TRH: variants seen among roughly 807,000 people sequenced by gnomAD.
TRH encodes thyrotropin releasing hormone, also known as TSH-releasing factor.
In TRH, 5 loss-of-function variants were observed where a neutral mutation model predicts 5.2. That is an observed-to-expected ratio of 0.95 (90% CI 0.50 to 2.00). The LOEUF (loss-of-function observed/expected upper bound fraction) is 2.00. Ranked by LOEUF, TRH falls within the 30% of genes most tolerant of loss-of-function variation. TRH has a pLI of 0.01. For synonymous variants in TRH, 131 were observed against 128.6 expected, an observed-to-expected ratio of 1.02 and a Z score of -0.13; for missense variants, 318 against 312.8, an observed-to-expected ratio of 1.02 and a Z score of -0.13.
rs762171742 is a variant in TRH at position 129,975,840 on chromosome 3, C to A, written c.24C>A (p.Leu8=). 9 of 1,610,254 alleles carry A rather than the reference C, an allele frequency of 5.6e-6. No homozygotes were observed. Among genetic ancestry groups the A allele is most frequent in the Non-Finnish European group, 7.6e-6 (9 of 1,179,264 alleles). MPGPWLL[L]ALALTLNLTG... is the part of the protein sequence containing the mutation. ...CGATGCCCGGCCCTTGGTTGCTGCT[C>A]GCTCTGGCTTTGACCCTGAACCTGA... Residue 8 remains leucine (L), a synonymous_variant, in exon 2 of 3, where the codon CTC becomes CTA. Transcript: ENST00000302649.
In TRH at chr3:129,977,081, G is replaced by T; in HGVS notation, c.594G>T (p.Gly198=). 1 of 1,594,546 alleles carries T rather than the reference G, an allele frequency of 6.3e-7. No individual in the cohort carries two copies. The highest frequency in any genetic ancestry group is 8.5e-7 in the Non-Finnish European group (1 of 1,170,558). The change falls in exon 3 of 3, where the codon GGG becomes GGT. Residue 198 remains glycine (G), a synonymous_variant. Transcript: ENST00000302649. ...PGKRALGGPC[G]PQGAYGQAGL... ...AGAGGGCCCTGGGAGGCCCCTGTGG[G>T]CCCCAGGGAGCCTATGGTCAAGCGG...
At position 129,976,691 on chromosome 3, in the gene TRH, T is replaced by C; in HGVS notation, c.212-8T>C. 1 of 1,608,052 alleles carries C rather than the reference T, an allele frequency of 6.2e-7. No homozygotes were observed. Among genetic ancestry groups the C allele is most frequent in the Non-Finnish European group, 8.5e-7 (1 of 1,176,178 alleles). On this transcript the variant is annotated splice_region_variant and splice_polypyrimidine_tract_variant and intron_variant, in intron 2 of 2. Coordinates refer to ENST00000302649, the MANE Select transcript of TRH (RefSeq NM_007117.5). Reference sequence around the variant, plus strand: ...AGGGGCCCCTCACTGACCTCTTTCCTTCCCCAGCGTCCCAGATCTTTCAAT... The same window carrying C: ...AGGGGCCCCTCACTGACCTCTTTCCCTCCCCAGCGTCCCAGATCTTTCAAT...
At chr3:129,976,123 C>A in intron 2 of TRH, 96 bp downstream of exon 2, 1 of 1,427,210 alleles carries the variant, frequency 7.0e-7, no homozygotes, top group Non-Finnish European at 9.5e-7. Context: ...GGTCAGCTAG[C>A]CTTCTGCCTT....
intron 2 of TRH, 83 bp downstream of exon 2, chr3:129,976,110 C>T: frequency 6.7e-7 from 1 of 1,481,818 alleles, no homozygotes; most frequent in Non-Finnish European, 9.2e-7. Context: ...GGAGGGGAGG[C>T]TTGGTCAGCT....
Position 129,977,643 on chromosome 3 carries a change from C to T in TRH, c.*427C>T, listed in dbSNP as rs566777411. ...TGCAAATCCAGCTTCCATCCCCTCC[C>T]CAACCTGGCAGGATTCTCCATGTGT... is the stretch of plus-strand genomic sequence containing the variant. On this transcript the variant is annotated 3_prime_UTR_variant, in exon 3 of 3. Transcript: ENST00000302649. 3 of 156,150 alleles carry T rather than the reference C, an allele frequency of 1.9e-5. No individual in the cohort carries two copies. The highest frequency in any genetic ancestry group is 7.2e-5 in the African/African-American group (3 of 41,670). The allele number at this position is 156,150 out of a possible 1,614,324, so 9.7% of individuals were successfully genotyped here.
At chr3:129,975,418 C>T (rs927614549) in intron 1 of TRH, among the ~76,000 whole-genome samples, 1 of 152,246 alleles carries the variant, frequency 6.6e-6, no homozygotes, top group African/African-American at 2.4e-5. Flanking sequence ...GGGACGCAAC[C>T]GTTAGCGTCG....
At position 129,976,044 on chromosome 3, in the gene TRH, G is replaced by T. The variant is rs745950912; in HGVS notation, c.211+17G>T. Reference sequence around the variant, plus strand: ...AGCACTCCGGTGAGTGGATGGGGCTGTTGGGGGCTGTGGGGCTAGGCTATT... The same window carrying T: ...AGCACTCCGGTGAGTGGATGGGGCTTTTGGGGGCTGTGGGGCTAGGCTATT... On this transcript the variant is annotated intron_variant, in intron 2 of 2. Coordinates refer to ENST00000302649, the MANE Select transcript of TRH (RefSeq NM_007117.5). 1.2e-6 allele frequency: 2 copies of T among 1,611,802 alleles called. No individual in the cohort carries two copies. Among genetic ancestry groups the T allele is most frequent in the Non-Finnish European group, 1.7e-6 (2 of 1,178,780 alleles).
chr3:129,975,021 A>G (rs908496438), intron 1 of TRH, among the ~76,000 whole-genome samples, 198 bp downstream of exon 1: 2 of 152,082 alleles, frequency 1.3e-5, no homozygotes, highest in Non-Finnish European at 2.9e-5. Context: ...CGGCGCGGGC[A>G]CATCGGAGGC....
At chr3:129,975,593 G>A (rs1258108108) in intron 1 of TRH, among the ~76,000 whole-genome samples, 3 of 152,234 alleles carry the variant, frequency 2.0e-5, no homozygotes, top group African/African-American at 7.2e-5. Flanking sequence ...AGGCACTACA[G>A]GCACCCGTGG....
chr3:129,976,223 C>T (rs540510936), intron 2 of TRH, among the ~76,000 whole-genome samples, 196 bp downstream of exon 2: 125 of 152,346 alleles, frequency 8.2e-4, no homozygotes, highest in African/African-American at 2.8e-3. Context: ...TGTCTCAATG[C>T]TGGGAATATT....
At chr3:129,976,182 T>G (rs1577288521) in intron 2 of TRH, among the ~76,000 whole-genome samples, 155 bp downstream of exon 2, 1 of 152,242 alleles carries the variant, frequency 6.6e-6, no homozygotes, top group Admixed American at 6.5e-5. Flanking sequence ...GGATCTGGAG[T>G]TGACCATTCC....
In TRH at chr3:129,975,844, C is replaced by G. The variant is rs926117362; in HGVS notation, c.28C>G (p.Leu10Val). 1 of 1,611,136 alleles carries G rather than the reference C, an allele frequency of 6.2e-7. No homozygotes were observed. The highest frequency in any genetic ancestry group is 1.3e-5 in the African/African-American group (1 of 74,992). Residue 10 changes from leucine to valine, a missense_variant, in exon 2 of 3, where the codon CTG becomes GTG. Coordinates refer to ENST00000302649, the MANE Select transcript of TRH (RefSeq NM_007117.5). ...GCCCGGCCCTTGGTTGCTGCTCGCT[C>G]TGGCTTTGACCCTGAACCTGACCGG... MPGPWLLLA[L>V]ALTLNLTGVP...
chr3:129,976,890 C>T lies in TRH; in HGVS notation c.403C>T (p.Gln135Ter). 6.2e-7 allele frequency: 1 copy of T among 1,613,748 alleles called. No individual in the cohort carries two copies. The highest frequency in any genetic ancestry group is 8.5e-7 in the Non-Finnish European group (1 of 1,179,822). The change falls in exon 3 of 3, where the codon CAG becomes TAG. Residue 135 changes from glutamine (Q) to a stop codon, truncating the protein, a stop_gained. Coordinates refer to ENST00000302649, the MANE Select transcript of TRH (RefSeq NM_007117.5). LOFTEE classifies it low-confidence loss of function (END_TRUNC). Reference protein sequence around the residue: ...WSVDVTQHKRQHPGRRSPWLA... With the variant: ...WSVDVTQHKR ...AGTCGATGTAACCCAGCACAAGCGG[C>T]AGCATCCTGGCCGGCGCTCCCCCTG...
At chr3:129,976,098 G>A in intron 2 of TRH, 71 bp downstream of exon 2, 1 of 1,523,464 alleles carries the variant, frequency 6.6e-7, no homozygotes, top group Non-Finnish European at 8.9e-7. Context: ...TGCCGGCAAA[G>A]GGGAGGGGAG....
rs549052454 is a variant in TRH, at chr3:129,977,678, C to G, written c.*462C>G. On this transcript the variant is annotated 3_prime_UTR_variant, in exon 3 of 3. Transcript: ENST00000302649. ...AGGATTCTCCATGTGTAAACTTCACCCCCAGGACCCAGGATCTTCTCCTTT... is the reference window on the plus strand; with the variant it reads ...AGGATTCTCCATGTGTAAACTTCACGCCCAGGACCCAGGATCTTCTCCTTT... 10 of 154,146 alleles carry G rather than the reference C, an allele frequency of 6.5e-5. No individual in the cohort carries two copies. Among genetic ancestry groups the G allele is most frequent in the African/African-American group, 2.4e-4 (10 of 41,620 alleles). The allele number at this position is 154,146 out of a possible 1,614,324, so 9.5% of individuals were successfully genotyped here.
Position 129,975,843 on chromosome 3 carries a change from TC to T in TRH, c.28del (p.Leu10TrpfsTer3). On this transcript the variant is annotated frameshift_variant, in exon 2 of 3. Transcript: ENST00000302649. LOFTEE classifies it high-confidence loss of function. MPGPWLLLA[L>X]ALTLNLTGVP... ...TGCCCGGCCCTTGGTTGCTGCTCGC[TC>T]TGGCTTTGACCCTGAACCTGACCGG... 1 of 1,611,026 alleles carries T rather than the reference TC, an allele frequency of 6.2e-7. No individual in the cohort carries two copies. Among genetic ancestry groups the T allele is most frequent in the Admixed American group, 1.7e-5 (1 of 59,932 alleles).
intron 2 of TRH, 37 bp from the exon 3 acceptor site, chr3:129,976,662 G>A (rs1157279583): frequency 6.3e-7 from 1 of 1,586,998 alleles, no homozygotes; most frequent in Admixed American, 1.7e-5. Flanking sequence ...CTATTACATG[G>A]GTCAGGGGCC....
intron 1 of TRH, among the ~76,000 whole-genome samples, chr3:129,975,317 A>C (rs1213325452): frequency 1.3e-5 from 2 of 152,346 alleles, no homozygotes; most frequent in African/African-American, 4.8e-5. Flanking sequence ...TCTTAGCGAT[A>C]GAAATGGGAT....
At position 129,976,683 on chromosome 3, in the gene TRH, C is replaced by G. The variant is rs763597431; in HGVS notation, c.212-16C>G. The G allele has an allele frequency of 6.2e-7, 1 of 1,605,014 alleles. No individual in the cohort carries two copies. Among genetic ancestry groups the G allele is most frequent in the Non-Finnish European group, 8.5e-7 (1 of 1,174,674 alleles). On this transcript the variant is annotated splice_polypyrimidine_tract_variant and intron_variant, in intron 2 of 2. Transcript: ENST00000302649. The stretch of plus-strand genomic sequence containing the variant: ...CATGGGTCAGGGGCCCCTCACTGAC[C>G]TCTTTCCTTCCCCAGCGTCCCAGAT...
Sources: gnomAD v4.1 joint callset for allele counts (sites outside exome capture counted in the v4.1 genomes callset) on GRCh38, gnomAD v4.1.1 for gene constraint, MANE v1.5 for transcripts, NCBI Gene and HGNC (gene_info 2026-07-23, HGNC 2026-07-21) for gene names.